Variants in PRKN observed in about 807,000 individuals in gnomAD.
PRKN encodes the protein E3 ubiquitin-protein ligase parkin.
A neutral mutation model predicts 59.5 loss-of-function variants in PRKN; 56 were observed. The observed-to-expected ratio is 0.94, with a 90% CI of 0.76 to 1.18. PRKN has a LOEUF of 1.18. PRKN is among the 50% of genes most tolerant of loss of function. The pLI is 0.00. For missense variants in PRKN, 657 were observed against 596.4 expected (o/e 1.10, Z -1.06); for synonymous variants, 250 against 222.1 (o/e 1.13, Z -1.12).
At chr6:162,199,864 G>A (rs1218448467) in intron 4 of PRKN, among the ~76,000 whole-genome samples, 1 of 151,886 alleles carries the variant, frequency 6.6e-6, no homozygotes, top group African/African-American at 2.4e-5. Flanking sequence ...TCTTTCACAG[G>A]CCCCGTAACA....
At chr6:161,681,306 T>A (rs1325459532) in intron 7 of PRKN, among the ~76,000 whole-genome samples, 1 of 152,202 alleles carries the variant, frequency 6.6e-6, no homozygotes, top group Non-Finnish European at 1.5e-5. Flanking sequence ...GTGGCCAAAA[T>A]GCAAAAGACG....
rs370182524 is a variant in PRKN at position 161,449,451 on chromosome 6, T to C, written c.1084-62574A>G. ...CGTGGGCCCCAGGGAAAGGCGATTTTATTCAAAGAAGGTAACTCTGAACGT... is the reference window on the plus strand; with the variant it reads ...CGTGGGCCCCAGGGAAAGGCGATTTCATTCAAAGAAGGTAACTCTGAACGT... On this transcript the variant is annotated intron_variant, in intron 9 of 11. Transcript: ENST00000366898. Among the ~76,000 whole-genome samples, 222 of 152,326 alleles carry C rather than the reference T, an allele frequency of 1.5e-3. 6 individuals carry two copies. In the South Asian group the frequency reaches 0.044, roughly 30 times the overall value.
chr6:161,444,485 C>T lies in PRKN; in HGVS notation c.1084-57608G>A, dbSNP rs574663874. On this transcript the variant is annotated intron_variant, in intron 9 of 11. Transcript: ENST00000366898. The surrounding 1 kb of genome is among the most constrained non-coding windows in gnomAD (Gnocchi z 5.6). Reference sequence around the variant, plus strand: ...TCCATGCATGCTTTTTCCATTTAGACTAAACTAGCGCTTGGGGTGCTTGCC... The same window carrying T: ...TCCATGCATGCTTTTTCCATTTAGATTAAACTAGCGCTTGGGGTGCTTGCC... Among the ~76,000 whole-genome samples, 1 of 152,314 alleles carries T rather than the reference C, an allele frequency of 6.6e-6. No homozygotes were observed. Among genetic ancestry groups the T allele is most frequent in the African/African-American group, 2.4e-5 (1 of 41,562 alleles).
intron 1 of PRKN, among the ~76,000 whole-genome samples, chr6:162,613,791 G>C (rs1169673048): frequency 2.6e-5 from 4 of 152,122 alleles, no homozygotes; most frequent in Non-Finnish European, 5.9e-5. Flanking sequence ...AGATGACCAA[G>C]CATGAAGATT....
chr6:161,708,416 T>C (rs116055568), intron 7 of PRKN, among the ~76,000 whole-genome samples: 3,094 of 151,300 alleles, frequency 0.02, 111 homozygotes, highest in African/African-American at 0.07. Context: ...CTGCCCCAAT[T>C]ACCTTTTTCT....
rs1025110314 is a variant in PRKN at position 161,444,552 on chromosome 6, G to A, written c.1084-57675C>T. Among the ~76,000 whole-genome samples, 1 of 152,226 alleles carries A rather than the reference G, an allele frequency of 6.6e-6. No homozygotes were observed. The highest frequency in any genetic ancestry group is 6.5e-5 in the Admixed American group (1 of 15,284). On this transcript the variant is annotated intron_variant, in intron 9 of 11. Transcript: ENST00000366898. This position sits in a 1 kb window ranked among gnomAD's most constrained non-coding sequence, Gnocchi z 5.6. ...CTGCAGCCCCTGGTTAGTGGGAGACGCAGAGCAGGCATTCAGTCAGCAAAT... is the reference window on the plus strand; with the variant it reads ...CTGCAGCCCCTGGTTAGTGGGAGACACAGAGCAGGCATTCAGTCAGCAAAT...
chr6:161,539,116 T>C (rs952108507), intron 9 of PRKN, among the ~76,000 whole-genome samples: 2 of 152,232 alleles, frequency 1.3e-5, no homozygotes, highest in Non-Finnish European at 2.9e-5. Flanking sequence ...TGTAGGAAGT[T>C]GATTGCTAGA....
At chr6:162,331,976 T>C (rs1783602442) in intron 2 of PRKN, among the ~76,000 whole-genome samples, 1 of 152,190 alleles carries the variant, frequency 6.6e-6, no homozygotes, top group Admixed American at 6.5e-5. Context: ...ATTCAATAAG[T>C]ATTGATCAAT....
intron 6 of PRKN, among the ~76,000 whole-genome samples, chr6:161,827,797 CA>C (rs1197683979): frequency 1.3e-5 from 2 of 152,166 alleles, no homozygotes; most frequent in African/African-American, 4.8e-5. Context: ...CGTGAGCCAG[CA>C]CACCCGGCCC....
chr6:161,694,755 G>C (rs1463389248), intron 7 of PRKN, among the ~76,000 whole-genome samples: 1 of 152,152 alleles, frequency 6.6e-6, no homozygotes, highest in Non-Finnish European at 1.5e-5. Flanking sequence ...CAGACTCCCT[G>C]TTTGCTAACA....
chr6:162,424,931 T>C (rs1330343118), intron 2 of PRKN, among the ~76,000 whole-genome samples: 1 of 152,012 alleles, frequency 6.6e-6, no homozygotes, highest in Non-Finnish European at 1.5e-5. Context: ...AATTGCTGCT[T>C]TCAAGGTTCA....
chr6:161,947,650 G>T (rs999613202), intron 6 of PRKN, among the ~76,000 whole-genome samples: 1 of 152,128 alleles, frequency 6.6e-6, no homozygotes, highest in Non-Finnish European at 1.5e-5. Context: ...TAGTTGATTC[G>T]CAAGAAAGAA....
At chr6:162,460,614 C>T (rs2128173954) in intron 1 of PRKN, among the ~76,000 whole-genome samples, 1 of 152,264 alleles carries the variant, frequency 6.6e-6, no homozygotes, top group African/African-American at 2.4e-5. Context: ...TATTAAAGTA[C>T]TTGGCAAAAC....
intron 2 of PRKN, among the ~76,000 whole-genome samples, chr6:162,391,420 C>T (rs1462334372): frequency 1.3e-5 from 2 of 150,702 alleles, no homozygotes; most frequent in East Asian, 3.9e-4. Flanking sequence ...ATGACTTCCT[C>T]CTGGAAGATA....
intron 8 of PRKN, among the ~76,000 whole-genome samples, chr6:161,567,019 C>G (rs1050639241): frequency 5.7e-5 from 6 of 105,008 alleles, no homozygotes; most frequent in African/African-American, 2.6e-4. Context: ...ATTCACTGTC[C>G]TTGTTTTTTT....
intron 10 of PRKN, among the ~76,000 whole-genome samples, chr6:161,366,218 A>G (rs1266013811): frequency 6.6e-6 from 1 of 152,176 alleles, no homozygotes; most frequent in Non-Finnish European, 1.5e-5. Flanking sequence ...GTTTGCAGGA[A>G]GAGAGACCTC....
At chr6:162,569,221 C>A in intron 1 of PRKN, 1 of 569,008 alleles carries the variant, frequency 1.8e-6, no homozygotes. Flanking sequence ...GGAACATCAG[C>A]CAGCCCCAGG....
At chr6:161,539,020 C>T (rs1384534933) in intron 9 of PRKN, among the ~76,000 whole-genome samples, 1 of 152,180 alleles carries the variant, frequency 6.6e-6, no homozygotes. Context: ...ATGAGGCTAA[C>T]ATGCGATGTT....
intron 1 of PRKN, among the ~76,000 whole-genome samples, chr6:162,469,720 G>T (rs920958519): frequency 6.6e-6 from 1 of 151,044 alleles, no homozygotes. Context: ...GGACTCTGGG[G>T]ACTCAACAGG....
Sources: allele counts gnomAD v4.1 joint callset (sites outside exome capture counted in the v4.1 genomes callset), GRCh38; gene constraint gnomAD v4.1.1; non-coding constraint Gnocchi (gnomAD v3.1); transcripts MANE v1.5; gene names NCBI Gene and HGNC (gene_info 2026-07-23, HGNC 2026-07-21).